Variants in SGCZ observed in about 807,000 individuals in gnomAD.
The protein encoded by SGCZ is zeta-sarcoglycan.
Under a neutral mutation model 41.3 loss-of-function variants are expected in SGCZ, and 40 were observed. The ratio of observed to expected loss-of-function variants is 0.97; its 90% CI spans 0.75 to 1.26. SGCZ has a LOEUF of 1.26. SGCZ is among the 50% of genes most tolerant of loss of function. The probability of loss-of-function intolerance (pLI) is 0.00; values close to 1 mark genes in which losing one functional copy is unlikely to be tolerated. For missense variants in SGCZ, 552 were observed against 369.8 expected, an observed-to-expected ratio of 1.49 and a Z score of -4.04; for synonymous variants, 206 against 137.5, an observed-to-expected ratio of 1.50 and a Z score of -3.49.
At chr8:15,123,119 A>C (rs1807550895) in intron 1 of SGCZ, among the ~76,000 whole-genome samples, 1 of 152,138 alleles carries the variant, frequency 6.6e-6, no homozygotes, top group African/African-American at 2.4e-5. Context: ...TGCTGTTATA[A>C]AGGGCTCACC....
chr8:14,795,235 A>G (rs1024529125), intron 1 of SGCZ, among the ~76,000 whole-genome samples: 2 of 152,208 alleles, frequency 1.3e-5, no homozygotes, highest in Admixed American at 1.3e-4. Flanking sequence ...TAAAGCATAC[A>G]TATGTATATT....
At chr8:14,592,558 T>A (rs1340313386) in intron 1 of SGCZ, among the ~76,000 whole-genome samples, 1 of 152,022 alleles carries the variant, frequency 6.6e-6, no homozygotes, top group Non-Finnish European at 1.5e-5. Context: ...TTATTGAGTC[T>A]TAAAACACCT....
intron 1 of SGCZ, among the ~76,000 whole-genome samples, chr8:15,151,113 G>A (rs755396006): frequency 6.6e-6 from 1 of 152,240 alleles, no homozygotes; most frequent in Non-Finnish European, 1.5e-5. Flanking sequence ...GGCCTCGGAG[G>A]ATGGAGGCTG....
intron 2 of SGCZ, among the ~76,000 whole-genome samples, chr8:14,502,371 C>A (rs1026336382): frequency 6.6e-6 from 1 of 151,956 alleles, no homozygotes; most frequent in African/African-American, 2.4e-5. Flanking sequence ...TATTCATGTA[C>A]GCATGAATTT....
Position 15,237,567 on chromosome 8 carries a change from G to T in SGCZ, c.39+18C>A, listed in dbSNP as rs74672231. On this transcript the variant is annotated intron_variant, in intron 1 of 7. Transcript: ENST00000382080. ...GCGCCGAGAAGCGGCCGCGAAGCCCGCCCGGACCCGCACGTACCTTGAGCT... is the reference window on the plus strand; with the variant it reads ...GCGCCGAGAAGCGGCCGCGAAGCCCTCCCGGACCCGCACGTACCTTGAGCT... 1.9e-5 allele frequency: 30 copies of T among 1,585,340 alleles called. No homozygotes were observed. The highest frequency in any genetic ancestry group is 1.7e-5 in the Admixed American group (1 of 57,364).
At chr8:14,973,718 G>T (rs1381306312) in intron 1 of SGCZ, among the ~76,000 whole-genome samples, 4 of 152,160 alleles carry the variant, frequency 2.6e-5, no homozygotes, top group Admixed American at 2.6e-4. Flanking sequence ...CCTTAGAAAA[G>T]TTGCTGAGAC....
chr8:14,099,481 C>T (rs993193187), intron 7 of SGCZ, among the ~76,000 whole-genome samples: 1 of 152,092 alleles, frequency 6.6e-6, no homozygotes, highest in African/African-American at 2.4e-5. Flanking sequence ...AATCCTTGCA[C>T]TTTGGGAGGC....
At chr8:14,973,064 C>A (rs1442957003) in intron 1 of SGCZ, among the ~76,000 whole-genome samples, 2 of 152,142 alleles carry the variant, frequency 1.3e-5, no homozygotes, top group Non-Finnish European at 2.9e-5. Flanking sequence ...TATTTGCATA[C>A]TCTTAACATT....
Position 14,977,167 on chromosome 8 carries a change from G to C in SGCZ, c.39+260418C>G, listed in dbSNP as rs563246340. ...CTGGTATACAGAAACATAGGAAAGAGTGTTCTGTTAGAAGGAACTCGTTGA... is the reference window on the plus strand; with the variant it reads ...CTGGTATACAGAAACATAGGAAAGACTGTTCTGTTAGAAGGAACTCGTTGA... On this transcript the variant is annotated intron_variant, in intron 1 of 7. Transcript: ENST00000382080. Among the ~76,000 whole-genome samples, 9 of 152,284 alleles carry C rather than the reference G, an allele frequency of 5.9e-5. No individual in the cohort carries two copies. The East Asian group carries it at 9.7e-4, about 16-fold the overall frequency.
chr8:14,307,766 A>G (rs1431963114), intron 3 of SGCZ, among the ~76,000 whole-genome samples: 1 of 152,148 alleles, frequency 6.6e-6, no homozygotes, highest in South Asian at 2.1e-4. Context: ...AAACATATAG[A>G]TGAAATAATT....
rs573673908 is a variant in SGCZ at position 14,510,348 on chromosome 8, T to C, written c.234+44384A>G. On this transcript the variant is annotated intron_variant, in intron 2 of 7. Transcript: ENST00000382080. ...ATAGGTTCTCACATTCCACCTCCCA[T>C]TGGAATTAAATTAAAGTTAAAGTTA... Among the ~76,000 whole-genome samples, 14 of 152,196 alleles carry C rather than the reference T, an allele frequency of 9.2e-5. 1 individual carries two copies. In the South Asian group the frequency reaches 2.5e-3, roughly 27 times the overall value.
chr8:14,354,833 T>G (rs1025476351), intron 2 of SGCZ, among the ~76,000 whole-genome samples: 10 of 151,834 alleles, frequency 6.6e-5, no homozygotes, highest in African/African-American at 2.2e-4. Context: ...TTCACACATG[T>G]TTAATTATTC....
intron 3 of SGCZ, among the ~76,000 whole-genome samples, chr8:14,258,633 T>G (rs1799548305): frequency 6.6e-6 from 1 of 152,206 alleles, no homozygotes; most frequent in South Asian, 2.1e-4. Flanking sequence ...TGAGCTCTTA[T>G]GAAGTATATT....
intron 2 of SGCZ, among the ~76,000 whole-genome samples, chr8:14,417,340 T>A (rs952169552): frequency 6.6e-6 from 1 of 151,912 alleles, no homozygotes; most frequent in Non-Finnish European, 1.5e-5. Context: ...AAATTTTAAA[T>A]TGTTCAAGTA....
At chr8:14,661,223 A>C (rs1281822559) in intron 1 of SGCZ, among the ~76,000 whole-genome samples, 2 of 152,150 alleles carry the variant, frequency 1.3e-5, no homozygotes, top group Non-Finnish European at 2.9e-5. Context: ...TGGTGTATAA[A>C]ATTGCTGTGT....
rs757916705 is a variant in SGCZ at position 14,108,241 on chromosome 8, G to C, written c.548-6C>G. 10 of 1,613,878 alleles carry C rather than the reference G, an allele frequency of 6.2e-6. No individual in the cohort carries two copies. The South Asian group carries it at 9.9e-5, about 16-fold the overall frequency. On this transcript the variant is annotated splice_polypyrimidine_tract_variant and splice_region_variant and intron_variant, in intron 5 of 7. Transcript: ENST00000382080. ...AAATACGGCTCCTTCAGTGCCTGGG[G>C]GTAGCATGAATATAGCAGTCAGTAT...
In SGCZ at chr8:15,186,007, G is replaced by A. The variant is rs191042824; in HGVS notation, c.39+51578C>T. On this transcript the variant is annotated intron_variant, in intron 1 of 7. Transcript: ENST00000382080. ...TGGGAGGCCGAGGTGGGCAGATCAC[G>A]AGGTCAGGAGATGAGACCATCCTGG... 3.4e-3 allele frequency among the ~76,000 whole-genome samples: 517 copies of A among 151,164 alleles called. 4 individuals are homozygous for A. Among genetic ancestry groups the A allele is most frequent in the African/African-American group, 0.012 (491 of 41,166 alleles).
Position 14,300,435 on chromosome 8 carries a change from G to A in SGCZ, c.336+23668C>T, listed in dbSNP as rs544518510. 2.0e-5 allele frequency among the ~76,000 whole-genome samples: 3 copies of A among 151,802 alleles called. No homozygotes were observed. In the South Asian group the frequency reaches 6.2e-4, roughly 32 times the overall value. On this transcript the variant is annotated intron_variant, in intron 3 of 7. Transcript: ENST00000382080. The stretch of plus-strand genomic sequence containing the variant: ...GGTAAAGAGAGGTAAATAAAGCTTG[G>A]GTTCTGAAGTCAATACAGTATAGTT...
At chr8:14,413,570 AT>A (rs1199144061) in intron 2 of SGCZ, among the ~76,000 whole-genome samples, 1 of 152,056 alleles carries the variant, frequency 6.6e-6, no homozygotes, top group Non-Finnish European at 1.5e-5. Context: ...TCTAGAGGTC[AT>A]TATATTACAA....
Sources: allele counts gnomAD v4.1 joint callset (sites outside exome capture counted in the v4.1 genomes callset), GRCh38; gene constraint gnomAD v4.1.1; transcripts MANE v1.5; gene names NCBI Gene and HGNC (gene_info 2026-07-23, HGNC 2026-07-21).